Variants in MYO10 observed in about 807,000 individuals in gnomAD.
The protein encoded by MYO10 is unconventional myosin-X.
In MYO10, 133 loss-of-function variants were observed where a neutral mutation model predicts 257.3. The observed-to-expected ratio is 0.52, with a 90% confidence interval of 0.45 to 0.60. The LOEUF (loss-of-function observed/expected upper bound fraction) is 0.60. MYO10 is among the 20% of genes least tolerant of loss of function. The pLI is 0.00. For synonymous variants in MYO10, 1,104 were observed against 1,028.6 expected, an observed-to-expected ratio of 1.07 and a Z score of -1.40; for missense variants, 2,399 against 2,635.7, an observed-to-expected ratio of 0.91 and a Z score of 1.97.
At chr5:16,836,890 C>G (rs150076561) in intron 2 of MYO10, among the ~76,000 whole-genome samples, 1 of 152,250 alleles carries the variant, frequency 6.6e-6, no homozygotes, top group East Asian at 1.9e-4. Context: ...AAAAGGTTAC[C>G]ATGAATGTTC....
At chr5:16,776,194 G>T (rs897645450) in intron 9 of MYO10, among the ~76,000 whole-genome samples, 2 of 152,008 alleles carry the variant, frequency 1.3e-5, no homozygotes, top group African/African-American at 4.8e-5. Context: ...ACTGTACCCC[G>T]CCTATCCCCC....
intron 19 of MYO10, among the ~76,000 whole-genome samples, chr5:16,745,306 C>A (rs1370643832): frequency 6.6e-6 from 1 of 152,174 alleles, no homozygotes; most frequent in Non-Finnish European, 1.5e-5. Flanking sequence ...CGTGCCACTG[C>A]ACTCCAGCCT....
intron 22 of MYO10, among the ~76,000 whole-genome samples, chr5:16,704,257 C>T (rs1738227545): frequency 6.6e-6 from 1 of 152,062 alleles, no homozygotes; most frequent in African/African-American, 2.4e-5. Flanking sequence ...CCCAGGAGGT[C>T]AAGGCTGCAA....
chr5:16,810,790 G>T lies in MYO10; in HGVS notation c.279+7219C>A, dbSNP rs193091010. ...ATCCTGTCTCTAAAACAAAATAAAGGCCAGGTGCAGTGGCTCACGTCTGTA... is the reference window on the plus strand; with the variant it reads ...ATCCTGTCTCTAAAACAAAATAAAGTCCAGGTGCAGTGGCTCACGTCTGTA... On this transcript the variant is annotated intron_variant, in intron 3 of 40. Transcript: ENST00000513610. Among the ~76,000 whole-genome samples the T allele has an allele frequency of 5.4e-4, 82 of 151,154 alleles. 1 individual carries two copies. The East Asian group carries it at 0.014, about 26-fold the overall frequency.
At chr5:16,691,510 C>A (rs769262342) in intron 27 of MYO10, among the ~76,000 whole-genome samples, 1 of 151,756 alleles carries the variant, frequency 6.6e-6, no homozygotes, top group Non-Finnish European at 1.5e-5. Flanking sequence ...ACCAGCCTGG[C>A]CAACATGGTG....
At chr5:16,817,306 C>T (rs1742653459) in intron 3 of MYO10, among the ~76,000 whole-genome samples, 1 of 152,132 alleles carries the variant, frequency 6.6e-6, no homozygotes, top group Non-Finnish European at 1.5e-5. Context: ...CCTATAAAGA[C>T]TTGCAAACAG....
chr5:16,759,798 A>G (rs1450393897), intron 17 of MYO10, among the ~76,000 whole-genome samples: 1 of 152,212 alleles, frequency 6.6e-6, no homozygotes, highest in African/African-American at 2.4e-5. Context: ...CATCATTTTT[A>G]CAGGTCTGAA....
chr5:16,757,625 T>C (rs1192338521), intron 18 of MYO10, among the ~76,000 whole-genome samples: 1 of 152,150 alleles, frequency 6.6e-6, no homozygotes, highest in Admixed American at 6.6e-5. Flanking sequence ...GATCTACATG[T>C]TTTCATCTGA....
Position 16,701,333 on chromosome 5 carries a change from C to CG in MYO10, c.3061_3062insC (p.Ser1021ThrfsTer8), listed in dbSNP as rs1738055816. On this transcript the variant is annotated frameshift_variant, in exon 25 of 41. Transcript: ENST00000513610. LOFTEE classifies it high-confidence loss of function. The surrounding 1 kb of genome is among the most constrained non-coding windows in gnomAD (Gnocchi z 8.1). ...AGAGTCATCGCTGGTCCGGATGCCA[C>CG]TTGTTCGCTGGTCTGAGTGGCCGTG... 1.2e-6 allele frequency: 2 copies of CG among 1,613,766 alleles called. No individual in the cohort carries two copies. Among genetic ancestry groups the CG allele is most frequent in the African/African-American group, 2.7e-5 (2 of 74,932 alleles).
chr5:16,679,968 C>G lies in MYO10; in HGVS notation c.4521G>C (p.Gln1507His). 6.2e-7 allele frequency: 1 copy of G among 1,613,814 alleles called. No individual in the cohort carries two copies. The highest frequency in any genetic ancestry group is 8.5e-7 in the Non-Finnish European group (1 of 1,179,814). The change falls in exon 33 of 41, where the codon CAG becomes CAC. Residue 1507 changes from glutamine (Q) to histidine (H), a missense_variant. By Grantham distance (24) the Gln-to-His change is conservative. Transcript: ENST00000513610. ...TTACCTTGATATCTTGAATCAGCTGCTGGGTGGGGGTGTCGATCGGGGCCT... is the reference window on the plus strand; with the variant it reads ...TTACCTTGATATCTTGAATCAGCTGGTGGGTGGGGGTGTCGATCGGGGCCT... ...DTKAPIDTPT[Q>H]QLIQDIKENC...
chr5:16,863,812 T>TC (rs1414564068), intron 2 of MYO10, among the ~76,000 whole-genome samples: 3 of 152,160 alleles, frequency 2.0e-5, no homozygotes, highest in African/African-American at 7.2e-5. Context: ...ACAGTGAAAC[T>TC]CCGGGCCAGG....
At chr5:16,934,290 A>G (rs912159968) in intron 1 of MYO10, among the ~76,000 whole-genome samples, 2 of 152,260 alleles carry the variant, frequency 1.3e-5, no homozygotes, top group African/African-American at 2.4e-5. Context: ...CAGACAGGCT[A>G]CAGGAGGAGT....
At chr5:16,820,139 A>G (rs556280115) in intron 2 of MYO10, among the ~76,000 whole-genome samples, 1 of 152,388 alleles carries the variant, frequency 6.6e-6, no homozygotes, top group African/African-American at 2.4e-5. Flanking sequence ...GACATTCAAG[A>G]GTGAAGAAAC....
chr5:16,788,773 C>T (rs1227945013), intron 4 of MYO10, among the ~76,000 whole-genome samples: 1 of 151,722 alleles, frequency 6.6e-6, no homozygotes, highest in South Asian at 2.1e-4. Flanking sequence ...TAGGATGGGG[C>T]GCCATGGTGG....
chr5:16,927,143 AT>A (rs1746157131), intron 1 of MYO10, among the ~76,000 whole-genome samples: 2 of 152,154 alleles, frequency 1.3e-5, no homozygotes, highest in South Asian at 4.1e-4. Context: ...GGCCCCACAA[AT>A]GATATTTAAA....
intron 3 of MYO10, among the ~76,000 whole-genome samples, chr5:16,797,770 G>A (rs967863447): frequency 1.3e-5 from 2 of 152,248 alleles, no homozygotes; most frequent in South Asian, 2.1e-4. Context: ...GCTAAAAGCA[G>A]ACAGTGGCAG....
Position 16,900,865 on chromosome 5 carries a change from G to A in MYO10, c.22-23158C>T, listed in dbSNP as rs546000834. ...AACAATTCTCCTGCCTCAGCCTCCC[G>A]AGTAGCTGGGATTACAGGCACCCAC... On this transcript the variant is annotated intron_variant, in intron 1 of 40. Transcript: ENST00000513610. Among the ~76,000 whole-genome samples, 87 of 150,668 alleles carry A rather than the reference G, an allele frequency of 5.8e-4. 1 individual carries two copies. Among genetic ancestry groups the A allele is most frequent in the Non-Finnish European group, 1.0e-3 (71 of 67,774 alleles).
intron 2 of MYO10, among the ~76,000 whole-genome samples, chr5:16,839,875 A>G (rs1743423140): frequency 1.3e-5 from 2 of 152,214 alleles, no homozygotes; most frequent in South Asian, 4.1e-4. Context: ...GGTTAGGTGG[A>G]TTAAATGCAT....
chr5:16,698,629 T>TCCAGCAGCAGCAGCAACACACACA (rs1737877203), intron 26 of MYO10, among the ~76,000 whole-genome samples: 134 of 136,088 alleles, frequency 9.8e-4, no homozygotes, highest in African/African-American at 3.9e-3. Flanking sequence ...TGCAGTTTTT[T>TCCAGCAGCAGCAGCAACACACACA]TTTTTTTTTT....
Sources: gnomAD v4.1 joint callset for allele counts (sites outside exome capture counted in the v4.1 genomes callset) on GRCh38, gnomAD v4.1.1 for gene constraint, Gnocchi (gnomAD v3.1) non-coding constraint, MANE v1.5 for transcripts, NCBI Gene and HGNC (gene_info 2026-07-23, HGNC 2026-07-21) for gene names.